Variants in DGKI observed in about 807,000 individuals in gnomAD.
DGKI encodes the protein diacylglycerol kinase iota, also known as DAG kinase iota.
DGKI carries 55 observed loss-of-function variants against 147.5 expected under a neutral mutation model. The observed-to-expected ratio is 0.37, with a 90% CI of 0.30 to 0.47. The LOEUF (loss-of-function observed/expected upper bound fraction) is 0.47, where lower values mean the gene tolerates loss of function less well. DGKI is among the 20% of genes least tolerant of loss of function. The pLI is 1.00. For missense variants in DGKI, 1,007 were observed against 1,323.8 expected, an observed-to-expected ratio of 0.76 and a Z score of 3.71; for synonymous variants, 469 against 477.1, an observed-to-expected ratio of 0.98 and a Z score of 0.22.
chr7:137,540,757 C>A (rs78755080), intron 20 of DGKI, among the ~76,000 whole-genome samples: 57,643 of 63,154 alleles, frequency 0.91, 26,126 homozygotes, highest in Non-Finnish European at 0.93. Flanking sequence ...TTTTAAAAAC[C>A]CCCCCAAAAA....
rs529981039 is a variant in DGKI, at chr7:137,831,117, C to T, written c.401+15345G>A. Among the ~76,000 whole-genome samples, 79 of 152,192 alleles carry T rather than the reference C, an allele frequency of 5.2e-4. 1 individual carries two copies. Among genetic ancestry groups the T allele is most frequent in the Admixed American group, 1.2e-3 (18 of 15,290 alleles). On this transcript the variant is annotated intron_variant, in intron 1 of 32. Coordinates refer to ENST00000614521, the MANE Select transcript of DGKI (RefSeq NM_001321708.2). ...TCTAACAATTAGAATTGACCAACGG[C>T]GTAACTATGCCCCTAATGTATCCAA...
intron 27 of DGKI, among the ~76,000 whole-genome samples, chr7:137,461,619 C>G (rs894678015): frequency 2.6e-5 from 4 of 152,164 alleles, no homozygotes; most frequent in Non-Finnish European, 5.9e-5. Flanking sequence ...TTCTATGAGA[C>G]AGGAATTCAG....
At chr7:137,453,304 A>G (rs1316302636) in intron 27 of DGKI, 1 of 152,166 alleles carries the variant, frequency 6.6e-6, no homozygotes, top group African/African-American at 2.4e-5. Flanking sequence ...TGCCAGGCCT[A>G]TGACATCATT....
chr7:137,512,787 T>A (rs1816621657), intron 21 of DGKI, among the ~76,000 whole-genome samples: 2 of 152,172 alleles, frequency 1.3e-5, no homozygotes, highest in Non-Finnish European at 2.9e-5. Context: ...GAGCATATTT[T>A]ATTTTCTTAT....
intron 28 of DGKI, among the ~76,000 whole-genome samples, chr7:137,419,717 G>A (rs1221629115): frequency 6.6e-6 from 1 of 152,108 alleles, no homozygotes; most frequent in East Asian, 1.9e-4. Context: ...CCAAGATGAG[G>A]TGAGAAAAAG....
At chr7:137,654,852 GAA>G (rs376136379) in intron 4 of DGKI, 64 bp from the exon 5 acceptor site, 628 of 692,310 alleles carry the variant, frequency 9.1e-4, no homozygotes, top group South Asian at 1.8e-3. Flanking sequence ...TGAATTACCT[GAA>G]AAAAAAAAAA....
intron 1 of DGKI, among the ~76,000 whole-genome samples, chr7:137,701,950 T>C (rs1404413109): frequency 6.6e-6 from 1 of 152,108 alleles, no homozygotes; most frequent in East Asian, 1.9e-4. Context: ...ACATGTGCTA[T>C]TAAAGAAAGA....
intron 32 of DGKI, 46 bp downstream of exon 32, chr7:137,395,552 C>T (rs376682202): frequency 1.1e-5 from 18 of 1,565,834 alleles, no homozygotes; most frequent in East Asian, 6.8e-5. Context: ...ACAGCGCCTG[C>T]GATCTCGCCC....
chr7:137,700,183 A>C (rs1823928809), intron 1 of DGKI, among the ~76,000 whole-genome samples: 1 of 152,212 alleles, frequency 6.6e-6, no homozygotes, highest in South Asian at 2.1e-4. Flanking sequence ...CAGTTGTATC[A>C]GTGAGGTGAA....
At position 137,426,889 on chromosome 7, in the gene DGKI, G is replaced by A. The variant is rs899785940; in HGVS notation, c.2762-14682C>T. Among the ~76,000 whole-genome samples the A allele has an allele frequency of 3.7e-4, 56 of 151,992 alleles. 1 individual carries two copies. Among genetic ancestry groups the A allele is most frequent in the Admixed American group, 6.6e-5 (1 of 15,260 alleles). ...CATGCACCCAATACAGGAGCACCCA[G>A]ATTCATAAAGCAAGTCCTGAGTGAC... On this transcript the variant is annotated intron_variant, in intron 28 of 32. Transcript: ENST00000614521.
intron 6 of DGKI, among the ~76,000 whole-genome samples, chr7:137,638,204 C>T (rs1821381257): frequency 6.6e-6 from 1 of 152,010 alleles, no homozygotes; most frequent in African/African-American, 2.4e-5. Flanking sequence ...TTTCATTCTC[C>T]AGATACTCTT....
intron 28 of DGKI, among the ~76,000 whole-genome samples, chr7:137,434,401 G>A (rs1279610060): frequency 6.6e-6 from 1 of 151,992 alleles, no homozygotes. Context: ...CCAACATGGT[G>A]AAACCCTGTC....
At chr7:137,601,908 TTCTA>T (rs1174672455) in intron 10 of DGKI, among the ~76,000 whole-genome samples, 1 of 152,190 alleles carries the variant, frequency 6.6e-6, no homozygotes, top group African/African-American at 2.4e-5. Context: ...AGGAATCACG[TTCTA>T]TCTAATAATT....
chr7:137,784,764 T>A (rs1585488507), intron 1 of DGKI, among the ~76,000 whole-genome samples: 1 of 152,046 alleles, frequency 6.6e-6, no homozygotes, highest in South Asian at 2.1e-4. Context: ...ATAGAAATTA[T>A]ATCAAGTACC....
intron 1 of DGKI, chr7:137,721,959 C>T (rs565288971): frequency 1.5e-6 from 2 of 1,353,780 alleles, no homozygotes; most frequent in Admixed American, 2.1e-5. Flanking sequence ...AGAAGTATAG[C>T]ATAGTGAGCT....
chr7:137,558,282 T>A (rs76302047), intron 19 of DGKI, among the ~76,000 whole-genome samples: 16,577 of 152,110 alleles, frequency 0.11, 2,029 homozygotes, highest in African/African-American at 0.3. Context: ...ATTATTTTAT[T>A]TATTTATTTA....
At chr7:137,822,293 G>A (rs1181366895) in intron 1 of DGKI, among the ~76,000 whole-genome samples, 3 of 152,118 alleles carry the variant, frequency 2.0e-5, no homozygotes, top group Non-Finnish European at 4.4e-5. Flanking sequence ...TGTAATCCCA[G>A]CTACTCAGGA....
At chr7:137,472,393 T>A (rs371304653) in intron 23 of DGKI, among the ~76,000 whole-genome samples, 123 of 4,410 alleles carry the variant, frequency 0.028, 3 homozygotes, top group East Asian at 0.091. Context: ...ATATACATAT[T>A]ATAATTATTA....
intron 1 of DGKI, among the ~76,000 whole-genome samples, chr7:137,845,370 C>T (rs1311601025): frequency 2.0e-5 from 3 of 152,208 alleles, no homozygotes; most frequent in Non-Finnish European, 4.4e-5. Context: ...CATAACAGCA[C>T]ATGGTGTGAC....
Sources: gnomAD v4.1 joint callset for allele counts (sites outside exome capture counted in the v4.1 genomes callset) on GRCh38, gnomAD v4.1.1 for gene constraint, MANE v1.5 for transcripts, NCBI Gene and HGNC (gene_info 2026-07-23, HGNC 2026-07-21) for gene names.